TTC39C: variants seen among roughly 807,000 people sequenced by gnomAD.
TTC39C encodes the protein tetratricopeptide repeat domain 39C, also known as tetratricopeptide repeat protein 39C.
Under a neutral mutation model 76.3 loss-of-function variants are expected in TTC39C, and 33 were observed. That is an observed-to-expected ratio of 0.43 (90% CI 0.33 to 0.58). The LOEUF (loss-of-function observed/expected upper bound fraction) is 0.58. TTC39C is among the 20% of genes least tolerant of loss of function. The pLI, the probability that TTC39C is intolerant of heterozygous loss-of-function variation, is 0.04. For missense variants in TTC39C, 595 were observed against 701.4 expected, an observed-to-expected ratio of 0.85 and a Z score of 1.71; for synonymous variants, 254 against 260.6, an observed-to-expected ratio of 0.97 and a Z score of 0.24.
chr18:24,013,508 G>A (rs115606725), upstream of TTC39C, among the ~76,000 whole-genome samples: 599 of 152,266 alleles, frequency 3.9e-3, 5 homozygotes, highest in African/African-American at 0.013. Flanking sequence ...CCATGATAAT[G>A]GATGACATAA....
At position 24,104,973 on chromosome 18, in the gene TTC39C, G is replaced by T. The variant is rs191576305; in HGVS notation, c.985-9581G>T. On this transcript the variant is annotated intron_variant, in intron 6 of 13. Coordinates refer to ENST00000317571, the MANE Select transcript of TTC39C (RefSeq NM_001135993.2). ...TAAAACCAAAACATATTAAGAAAAA[G>T]ATTGATAAAATTGATCAAAAGATTG... Among the ~76,000 whole-genome samples the T allele has an allele frequency of 1.2e-4, 18 of 151,034 alleles. No individual in the cohort carries two copies. In the East Asian group the frequency reaches 3.0e-3, roughly 25 times the overall value.
intron 1 of TTC39C, among the ~76,000 whole-genome samples, chr18:24,023,975 TATATAC>T (rs1443544853): frequency 0.027 from 335 of 12,238 alleles, 34 homozygotes; most frequent in Non-Finnish European, 0.055. Flanking sequence ...TATATATATA[TATATAC>T]ATATATATAT....
intron 1 of TTC39C, among the ~76,000 whole-genome samples, chr18:24,029,295 G>C (rs1435349394): frequency 6.6e-6 from 1 of 152,202 alleles, no homozygotes; most frequent in South Asian, 2.1e-4. Context: ...TAAAGACGGG[G>C]TTTTTCCGTG....
chr18:24,062,314 T>TACTAGGAGGGAAAAGCC (rs2084111381), intron 1 of TTC39C, among the ~76,000 whole-genome samples: 1 of 152,194 alleles, frequency 6.6e-6, no homozygotes, highest in Admixed American at 6.5e-5. Context: ...AGGGAAAAGC[T>TACTAGGAGGGAAAAGCC]GCAGTACTCA....
At chr18:24,127,312 A>G (rs1160168026) in intron 10 of TTC39C, among the ~76,000 whole-genome samples, 1 of 152,162 alleles carries the variant, frequency 6.6e-6, no homozygotes, top group Admixed American at 6.5e-5. Flanking sequence ...AGTAGTGGCA[A>G]TGTAGATCAT....
chr18:24,014,362 T>G (rs1026172684), upstream of TTC39C: 2 of 151,658 alleles, frequency 1.3e-5, no homozygotes, highest in Admixed American at 6.6e-5. Flanking sequence ...CGCCTTGCCC[T>G]CCTCCCGACT....
chr18:24,006,169 C>T (rs972154527), intron 1 of TTC39C, among the ~76,000 whole-genome samples: 14 of 151,924 alleles, frequency 9.2e-5, no homozygotes, highest in African/African-American at 1.7e-4. Context: ...TATACCATCA[C>T]GTCCAGCTAA....
Position 24,037,719 on chromosome 18 carries a change from G to C in TTC39C, c.167+22681G>C, listed in dbSNP as rs1007235256. Among the ~76,000 whole-genome samples the C allele has an allele frequency of 2.0e-5, 3 of 152,260 alleles. No homozygotes were observed. The Middle Eastern group carries it at 0.01, about 518-fold the overall frequency. On this transcript the variant is annotated intron_variant, in intron 1 of 13. Coordinates refer to ENST00000317571, the MANE Select transcript of TTC39C (RefSeq NM_001135993.2). Reference sequence around the variant, plus strand: ...AATTTAGCATTTAGACATGGAATATGGTTCCTTTGGAAATGCAAAATTCAG... The same window carrying C: ...AATTTAGCATTTAGACATGGAATATCGTTCCTTTGGAAATGCAAAATTCAG...
At chr18:24,029,042 G>T (rs1473958158) in intron 1 of TTC39C, among the ~76,000 whole-genome samples, 1 of 151,766 alleles carries the variant, frequency 6.6e-6, no homozygotes, top group African/African-American at 2.4e-5. Context: ...TTAAATGATT[G>T]CCTAAAATTA....
At chr18:24,130,533 AT>A in intron 12 of TTC39C, 116 bp downstream of exon 12, 1 of 285,964 alleles carries the variant, frequency 3.5e-6, no homozygotes, top group South Asian at 1.5e-4. Flanking sequence ...AGTGTTCTTC[AT>A]TTTGTTTTCC....
In TTC39C at chr18:24,014,771, C is replaced by G; in HGVS notation, c.-101C>G. On this transcript the variant is annotated 5_prime_UTR_variant, in exon 1 of 14. Transcript: ENST00000317571. ...CCTCCCCTCCCCTCCCCTCCCGGCTCCGCTTGGCTCCGGGCAGGTAGAGCC... is the reference window on the plus strand; with the variant it reads ...CCTCCCCTCCCCTCCCCTCCCGGCTGCGCTTGGCTCCGGGCAGGTAGAGCC... The G allele has an allele frequency of 8.6e-7, 1 of 1,160,602 alleles. No homozygotes were observed. Among genetic ancestry groups the G allele is most frequent in the Non-Finnish European group, 1.1e-6 (1 of 940,886 alleles). 71.9% of individuals were successfully genotyped at this position (1,160,602 alleles called of 1,614,324 possible). A position where few individuals can be genotyped will look rare whatever the true frequency, so the allele number is the denominator to read the frequency against.
In TTC39C at chr18:24,016,564, G is replaced by C. The variant is rs376215371; in HGVS notation, c.167+1526G>C. On this transcript the variant is annotated intron_variant, in intron 1 of 13. Coordinates refer to ENST00000317571, the MANE Select transcript of TTC39C (RefSeq NM_001135993.2). ...AGTCTCCTGTGATATTTATTTTAATGGTCTTTTTTAACCCTTCTTTAGTAG... is the reference window on the plus strand; with the variant it reads ...AGTCTCCTGTGATATTTATTTTAATCGTCTTTTTTAACCCTTCTTTAGTAG... 38 of 396,284 alleles carry C rather than the reference G, an allele frequency of 9.6e-5. 2 individuals are homozygous for C. The highest frequency in any genetic ancestry group is 6.1e-4 in the East Asian group (17 of 27,986). The allele number at this position is 396,284 out of a possible 1,614,324, so 24.5% of individuals were successfully genotyped here.
intron 6 of TTC39C, among the ~76,000 whole-genome samples, chr18:24,108,557 G>C (rs2084774639): frequency 2.6e-5 from 4 of 152,202 alleles, no homozygotes; most frequent in Admixed American, 1.3e-4. Flanking sequence ...CAGGCTTCAT[G>C]TGTTGACTGC....
intron 6 of TTC39C, among the ~76,000 whole-genome samples, chr18:24,104,048 C>T (rs1599328802): frequency 3.3e-5 from 5 of 152,084 alleles, no homozygotes; most frequent in Admixed American, 6.5e-5. Context: ...TCTCCTACCT[C>T]AACCTCTTGA....
chr18:24,135,300 CT>C lies in TTC39C; in HGVS notation c.*2737del, dbSNP rs375658371. The C allele has an allele frequency of 2.0e-4, 30 of 146,996 alleles. No homozygotes were observed. The highest frequency in any genetic ancestry group is 1.7e-4 in the Non-Finnish European group (11 of 66,176). 9.1% of individuals were successfully genotyped at this position (146,996 alleles called of 1,614,324 possible). ...CATGAACCACTGTGACCGGCCAGGT[CT>C]TTTTTTTTTTAAAGAGTCTATCCTA... On this transcript the variant is annotated 3_prime_UTR_variant, in exon 14 of 14. Transcript: ENST00000317571.
At chr18:24,042,123 A>G (rs1196669012) in intron 1 of TTC39C, among the ~76,000 whole-genome samples, 1 of 152,244 alleles carries the variant, frequency 6.6e-6, no homozygotes, top group South Asian at 2.1e-4. Context: ...TAAAACAACT[A>G]TAATCATTGT....
At chr18:24,052,542 A>T (rs77973123) in intron 1 of TTC39C, among the ~76,000 whole-genome samples, 1 of 23,934 alleles carries the variant, frequency 4.2e-5, no homozygotes, top group Non-Finnish European at 2.1e-4. Context: ...ATCTTGCTTT[A>T]AAAAAAAAAT....
chr18:24,132,539 G>C lies in TTC39C; in HGVS notation c.1717G>C (p.Ala573Pro). 1 of 1,614,074 alleles carries C rather than the reference G, an allele frequency of 6.2e-7. No homozygotes were observed. ...ENRLHVRIHA[A>P]LASLRELVPQ ...CAGATTGCATGTCCGCATCCATGCT[G>C]CTCTGGCCTCTCTGAGGGAATTGGT... The change falls in exon 14 of 14, where the codon GCT (alanine) becomes CCT (proline). Residue 573 changes from alanine to proline, a missense_variant. Transcript: ENST00000317571.
intron 1 of TTC39C, among the ~76,000 whole-genome samples, chr18:24,061,731 C>T (rs1188398787): frequency 1.3e-5 from 2 of 152,038 alleles, no homozygotes; most frequent in Non-Finnish European, 2.9e-5. Context: ...AGTGAAACCC[C>T]GTCTGTATTA....
Sources: allele counts gnomAD v4.1 joint callset (sites outside exome capture counted in the v4.1 genomes callset), GRCh38; gene constraint gnomAD v4.1.1; transcripts MANE v1.5; gene names NCBI Gene and HGNC (gene_info 2026-07-23, HGNC 2026-07-21).